The following GPATCH2 variants were observed in gnomAD, a reference collection of about 807,000 sequenced individuals.
GPATCH2 encodes the protein G patch domain-containing protein 2.
In GPATCH2, 51 loss-of-function variants were observed where a neutral mutation model predicts 58.0. That is an observed-to-expected ratio of 0.88 (90% CI 0.70 to 1.11). The LOEUF (loss-of-function observed/expected upper bound fraction) is 1.11, where lower values mean the gene tolerates loss of function less well. Among genes scored for constraint, GPATCH2 ranks in the 50% most tolerant of loss-of-function variants. The probability of loss-of-function intolerance (pLI) is 0.00; values close to 1 mark genes in which losing one functional copy is unlikely to be tolerated. For missense variants in GPATCH2, 625 were observed against 652.2 expected, an observed-to-expected ratio of 0.96 and a Z score of 0.45; for synonymous variants, 222 against 218.5, an observed-to-expected ratio of 1.02 and a Z score of -0.14.
At position 217,463,641 on chromosome 1, in the gene GPATCH2, C is replaced by CAAAAAAAAAAAAAAAAAAA. The variant is rs201402598; in HGVS notation, c.1278-14323_1278-14305dup. Among the ~76,000 whole-genome samples the CAAAAAAAAAAAAAAAAAAA allele has an allele frequency of 6.1e-5, 5 of 82,454 alleles. 1 individual carries two copies. Among genetic ancestry groups the CAAAAAAAAAAAAAAAAAAA allele is most frequent in the Non-Finnish European group, 1.1e-4 (5 of 45,036 alleles). 54.1% of individuals were successfully genotyped at this position (82,454 alleles called of 152,430 possible). On this transcript the variant is annotated intron_variant, in intron 8 of 9. Transcript: ENST00000366935. ...GCAACATAGCAAGAACTTATCACTCCAAAAAAAAAAAAAAAAAAAAAAAAA... is the reference window on the plus strand; with the variant it reads ...GCAACATAGCAAGAACTTATCACTCCAAAAAAAAAAAAAAAAAAAAAAAAAAAAAAAAAAAAAAAAAAAA...
chr1:217,626,407 T>C (rs1483672088), intron 1 of GPATCH2, among the ~76,000 whole-genome samples: 2 of 152,170 alleles, frequency 1.3e-5, no homozygotes, highest in Admixed American at 6.5e-5. Context: ...TTATTTAAGA[T>C]AGAAAATGTT....
intron 9 of GPATCH2, among the ~76,000 whole-genome samples, chr1:217,445,222 C>T (rs953014151): frequency 6.6e-6 from 1 of 151,970 alleles, no homozygotes; most frequent in South Asian, 2.1e-4. Flanking sequence ...TTTACTATGA[C>T]ATTATTTCAA....
intron 8 of GPATCH2, among the ~76,000 whole-genome samples, chr1:217,472,085 C>T (rs1313398271): frequency 2.0e-5 from 3 of 151,982 alleles, no homozygotes; most frequent in African/African-American, 7.2e-5. Flanking sequence ...TCAAACCCTC[C>T]TCCTTCAAAA....
chr1:217,477,548 C>T (rs1661020461), intron 8 of GPATCH2, among the ~76,000 whole-genome samples: 1 of 152,088 alleles, frequency 6.6e-6, no homozygotes, highest in South Asian at 2.1e-4. Context: ...TGACTGAAGA[C>T]CCCTTCGGCC....
chr1:217,575,671 G>A (rs1395564862), intron 5 of GPATCH2, among the ~76,000 whole-genome samples: 1 of 152,008 alleles, frequency 6.6e-6, no homozygotes, highest in African/African-American at 2.4e-5. Context: ...TACAATCTCT[G>A]TACTTGGAGG....
intron 1 of GPATCH2, among the ~76,000 whole-genome samples, chr1:217,622,361 T>A (rs529134299): frequency 1.3e-5 from 2 of 152,232 alleles, no homozygotes; most frequent in African/African-American, 4.8e-5. Flanking sequence ...GCGGTTTGGT[T>A]AATGTGAATT....
chr1:217,571,893 G>A (rs1666572131), intron 5 of GPATCH2, among the ~76,000 whole-genome samples: 1 of 150,324 alleles, frequency 6.7e-6, no homozygotes, highest in African/African-American at 2.4e-5. Context: ...AAGAGATTCT[G>A]AGAAACAGAA....
chr1:217,562,286 T>C (rs1292418151), intron 5 of GPATCH2, among the ~76,000 whole-genome samples: 3 of 152,210 alleles, frequency 2.0e-5, no homozygotes, highest in Admixed American at 1.3e-4. Flanking sequence ...GAGTAGAGCA[T>C]ATTATTTTGT....
At chr1:217,579,576 A>C (rs1349063345) in intron 5 of GPATCH2, among the ~76,000 whole-genome samples, 1 of 152,182 alleles carries the variant, frequency 6.6e-6, no homozygotes, top group Non-Finnish European at 1.5e-5. Context: ...TTAAGAGTTC[A>C]AATGTTCAGA....
intron 6 of GPATCH2, 40 bp from the exon 7 acceptor site, chr1:217,498,435 TA>T: frequency 6.7e-7 from 1 of 1,486,618 alleles, no homozygotes; most frequent in Non-Finnish European, 9.4e-7. Context: ...GGAACCTAAC[TA>T]AAAGCACGTG....
Position 217,449,263 on chromosome 1 carries a change from C to A in GPATCH2, c.1352G>T (p.Gly451Val), listed in dbSNP as rs1228242407. 1.3e-6 allele frequency: 2 copies of A among 1,594,454 alleles called. No individual in the cohort carries two copies. The highest frequency in any genetic ancestry group is 2.7e-5 in the African/African-American group (2 of 74,574). Residue 451 changes from glycine to valine, a missense_variant, in exon 9 of 10, where the codon GGA (glycine) becomes GTA (valine). By Grantham distance (109) the Gly-to-Val change is moderately radical (BLOSUM62 -3). Coordinates refer to ENST00000366935, the MANE Select transcript of GPATCH2 (RefSeq NM_018040.5). ...KRRRKAAPLP[G>V]PTTAGFVGEN... is the part of the protein sequence containing the mutation. ...TTTTGTTTTACCTGCAGTAGTAGGT[C>A]CAGGCAAAGGTGCAGCTTTTCTTCT...
intron 5 of GPATCH2, among the ~76,000 whole-genome samples, chr1:217,594,436 G>A (rs1353475613): frequency 6.6e-6 from 1 of 152,018 alleles, no homozygotes; most frequent in Admixed American, 6.5e-5. Flanking sequence ...TATATGAAAT[G>A]CTAATTTTGG....
At chr1:217,575,319 C>A (rs1425798039) in intron 5 of GPATCH2, among the ~76,000 whole-genome samples, 1 of 152,258 alleles carries the variant, frequency 6.6e-6, no homozygotes, top group East Asian at 1.9e-4. Flanking sequence ...GAAACAGCCA[C>A]AGGAATGATG....
At chr1:217,488,758 C>A (rs1661570847) in intron 8 of GPATCH2, among the ~76,000 whole-genome samples, 1 of 151,926 alleles carries the variant, frequency 6.6e-6, no homozygotes, top group African/African-American at 2.4e-5. Context: ...GTGGCATGAT[C>A]ATGGCTCACT....
At chr1:217,488,182 G>C (rs1164041433) in intron 8 of GPATCH2, among the ~76,000 whole-genome samples, 1 of 152,124 alleles carries the variant, frequency 6.6e-6, no homozygotes, top group Non-Finnish European at 1.5e-5. Flanking sequence ...GATTAATTTT[G>C]TAAGTGTTGT....
Position 217,473,823 on chromosome 1 carries a change from A to G in GPATCH2, c.1277+17857T>C, listed in dbSNP as rs73105622. Among the ~76,000 whole-genome samples, 1,145 of 152,316 alleles carry G rather than the reference A, an allele frequency of 7.5e-3. 10 individuals carry two copies. Among genetic ancestry groups the G allele is most frequent in the African/African-American group, 0.025 (1,044 of 41,562 alleles). On this transcript the variant is annotated intron_variant, in intron 8 of 9. Coordinates refer to ENST00000366935, the MANE Select transcript of GPATCH2 (RefSeq NM_018040.5). ...ATATGAAAATAATGTCATGATGACA[A>G]TTCTTCACATCACTCACTATCTGAC...
At chr1:217,604,355 A>G (rs1163605953) in intron 5 of GPATCH2, among the ~76,000 whole-genome samples, 4 of 152,152 alleles carry the variant, frequency 2.6e-5, no homozygotes, top group Non-Finnish European at 2.9e-5. Context: ...AAAAAAAAAA[A>G]AAAAGTATCA....
intron 5 of GPATCH2, among the ~76,000 whole-genome samples, chr1:217,558,229 G>A (rs1665738530): frequency 6.6e-6 from 1 of 152,156 alleles, no homozygotes; most frequent in Admixed American, 6.5e-5. Flanking sequence ...TCTGTACAGT[G>A]TTGATAACCA....
At chr1:217,487,707 G>A (rs1330106831) in intron 8 of GPATCH2, among the ~76,000 whole-genome samples, 3 of 151,922 alleles carry the variant, frequency 2.0e-5, no homozygotes, top group Admixed American at 6.6e-5. Flanking sequence ...TTGCAGGCAT[G>A]AGCCACTGCA....
Sources: allele counts gnomAD v4.1 joint callset (sites outside exome capture counted in the v4.1 genomes callset), GRCh38; gene constraint gnomAD v4.1.1; transcripts MANE v1.5; gene names NCBI Gene and HGNC (gene_info 2026-07-23, HGNC 2026-07-21).